Variants in IMMP2L observed in about 807,000 individuals in gnomAD.
IMMP2L encodes the protein mitochondrial inner membrane protease subunit 2.
In IMMP2L, 18 loss-of-function variants were observed where a neutral mutation model predicts 19.3. The observed-to-expected ratio is 0.93, with a 90% CI of 0.64 to 1.38. The LOEUF is 1.38. IMMP2L is among the 40% of genes most tolerant of loss of function. IMMP2L has a pLI of 0.00. For missense variants in IMMP2L, 233 were observed against 218.2 expected, an observed-to-expected ratio of 1.07 and a Z score of -0.43; for synonymous variants, 76 against 73.0, an observed-to-expected ratio of 1.04 and a Z score of -0.21.
At chr7:111,282,351 A>G (rs1819984726) in intron 3 of IMMP2L, among the ~76,000 whole-genome samples, 1 of 152,168 alleles carries the variant, frequency 6.6e-6, no homozygotes, top group South Asian at 2.1e-4. Context: ...TAAGAAAGGG[A>G]AGAGTATGGT....
At chr7:111,290,678 T>C (rs1056861821) in intron 3 of IMMP2L, among the ~76,000 whole-genome samples, 8 of 152,050 alleles carry the variant, frequency 5.3e-5, no homozygotes, top group African/African-American at 7.2e-5. Context: ...TACACAGATA[T>C]GTGAGGCCTT....
At chr7:110,672,306 G>A (rs1023424378) in intron 5 of IMMP2L, among the ~76,000 whole-genome samples, 3 of 151,946 alleles carry the variant, frequency 2.0e-5, no homozygotes, top group Admixed American at 1.3e-4. Context: ...AAAGCATGAG[G>A]GTGATTGACC....
At chr7:111,413,300 C>T (rs996605549) in intron 3 of IMMP2L, among the ~76,000 whole-genome samples, 9 of 152,058 alleles carry the variant, frequency 5.9e-5, no homozygotes, top group African/African-American at 2.2e-4. Context: ...AAGAATTAAA[C>T]CCTATACAAA....
intron 3 of IMMP2L, among the ~76,000 whole-genome samples, chr7:111,043,170 G>C (rs957008215): frequency 1.3e-5 from 2 of 152,138 alleles, no homozygotes; most frequent in East Asian, 1.9e-4. Context: ...AAGACAATCC[G>C]TTATATCCTC....
intron 3 of IMMP2L, among the ~76,000 whole-genome samples, chr7:111,175,111 C>A (rs1300545813): frequency 6.6e-6 from 1 of 151,800 alleles, no homozygotes; most frequent in Non-Finnish European, 1.5e-5. Flanking sequence ...GTCCTCGTTG[C>A]ATTATGTATT....
intron 3 of IMMP2L, among the ~76,000 whole-genome samples, chr7:111,261,135 A>G (rs2129782651): frequency 6.6e-6 from 1 of 152,272 alleles, no homozygotes; most frequent in Non-Finnish European, 1.5e-5. Context: ...TCTATTTAAT[A>G]ACATGACAAG....
intron 5 of IMMP2L, among the ~76,000 whole-genome samples, chr7:110,848,378 G>T (rs185269041): frequency 4.2e-4 from 64 of 152,250 alleles, no homozygotes; most frequent in Non-Finnish European, 1.5e-5. Flanking sequence ...ACGCCTATCA[G>T]GAGGGCCAAA....
intron 3 of IMMP2L, among the ~76,000 whole-genome samples, chr7:111,222,781 A>T (rs530849542): frequency 6.6e-6 from 1 of 152,176 alleles, no homozygotes; most frequent in South Asian, 2.1e-4. Context: ...ATATTTAGTA[A>T]ATTAAAGAAA....
intron 4 of IMMP2L, among the ~76,000 whole-genome samples, chr7:110,926,091 G>C (rs1256580413): frequency 6.6e-6 from 1 of 151,952 alleles, no homozygotes; most frequent in Admixed American, 6.6e-5. Context: ...AAGAGGCTAT[G>C]ATACTAAAAC....
intron 4 of IMMP2L, among the ~76,000 whole-genome samples, chr7:110,936,862 T>C (rs1030518848): frequency 6.6e-6 from 1 of 152,192 alleles, no homozygotes; most frequent in Non-Finnish European, 1.5e-5. Flanking sequence ...TGGAATACTA[T>C]GCAGCCATGA....
intron 1 of IMMP2L, among the ~76,000 whole-genome samples, chr7:111,542,138 G>A (rs750746497): frequency 6.6e-6 from 1 of 152,010 alleles, no homozygotes; most frequent in African/African-American, 2.4e-5. Context: ...GGTATAGTAA[G>A]GTTTTGTTTC....
chr7:111,253,086 G>A (rs1419795872), intron 3 of IMMP2L, among the ~76,000 whole-genome samples: 1 of 152,100 alleles, frequency 6.6e-6, no homozygotes, highest in Non-Finnish European at 1.5e-5. Context: ...GGTGAGAAAT[G>A]AAATATGGAA....
chr7:111,250,937 CA>C (rs1790691295), intron 3 of IMMP2L, among the ~76,000 whole-genome samples: 1 of 152,018 alleles, frequency 6.6e-6, no homozygotes, highest in African/African-American at 2.4e-5. Context: ...TTCTGCATAG[CA>C]AAAGAAACTA....
chr7:111,167,664 G>A (rs1805977831), intron 3 of IMMP2L, among the ~76,000 whole-genome samples: 1 of 151,870 alleles, frequency 6.6e-6, no homozygotes, highest in Non-Finnish European at 1.5e-5. Flanking sequence ...TATAATATAA[G>A]GGAGAATCAA....
At chr7:111,464,099 A>C (rs28655545) in intron 3 of IMMP2L, among the ~76,000 whole-genome samples, 13,859 of 152,124 alleles carry the variant, frequency 0.091, 782 homozygotes, top group African/African-American at 0.14. Flanking sequence ...CTTTGAATCT[A>C]GCCTCTACCA....
chr7:111,335,778 A>G (rs1353481741), intron 3 of IMMP2L, among the ~76,000 whole-genome samples: 1 of 152,164 alleles, frequency 6.6e-6, no homozygotes, highest in African/African-American at 2.4e-5. Context: ...AATCGTTTAA[A>G]GGTGTGTAAT....
intron 3 of IMMP2L, among the ~76,000 whole-genome samples, chr7:111,317,645 C>T (rs1426876804): frequency 6.6e-6 from 1 of 152,072 alleles, no homozygotes; most frequent in Non-Finnish European, 1.5e-5. Flanking sequence ...TGTCTTCATT[C>T]CCCAGATCAT....
At chr7:111,135,355 T>A (rs2129595581) in intron 3 of IMMP2L, among the ~76,000 whole-genome samples, 1 of 152,266 alleles carries the variant, frequency 6.6e-6, no homozygotes, top group African/African-American at 2.4e-5. Flanking sequence ...GATGAATTAT[T>A]GGTCATAAGG....
chr7:110,811,462 TATC>T (rs1178189041), intron 5 of IMMP2L, among the ~76,000 whole-genome samples: 2 of 152,028 alleles, frequency 1.3e-5, no homozygotes, highest in African/African-American at 4.8e-5. Flanking sequence ...TTATTATAAA[TATC>T]ATTCTGGGCT....
Sources: gnomAD v4.1 joint callset for allele counts (sites outside exome capture counted in the v4.1 genomes callset) on GRCh38, gnomAD v4.1.1 for gene constraint, MANE v1.5 for transcripts, NCBI Gene and HGNC (gene_info 2026-07-23, HGNC 2026-07-21) for gene names.